NRGN: variants seen among roughly 807,000 people sequenced by gnomAD.
NRGN encodes the protein calmodulin-binding protein.
For missense variants in NRGN, 82 were observed against 123.0 expected, an observed-to-expected ratio of 0.67 and a Z score of 1.58; for synonymous variants, 47 against 52.8, an observed-to-expected ratio of 0.89 and a Z score of 0.47.
At chr11:124,743,300 A>G (rs1943980752) in intron 1 of NRGN, among the ~76,000 whole-genome samples, 2 of 152,112 alleles carry the variant, frequency 1.3e-5, no homozygotes, top group Admixed American at 6.6e-5. Flanking sequence ...CCTCCACTCA[A>G]CCTTCCCACT....
In NRGN at chr11:124,746,831, C is replaced by G. The variant is rs1373761631; in HGVS notation, c.*451C>G. On this transcript the variant is annotated 3_prime_UTR_variant, in exon 4 of 4. Transcript: ENST00000284292. ...CAGCTAAAAGGGGCGCCCTACATCT[C>G]CGTGCCACTCCCGCCCCAGCCTAGC... 1 of 152,658 alleles carries G rather than the reference C, an allele frequency of 6.6e-6. No homozygotes were observed. Among genetic ancestry groups the G allele is most frequent in the African/African-American group, 2.4e-5 (1 of 41,462 alleles). 9.5% of individuals were successfully genotyped at this position (152,658 alleles called of 1,614,324 possible).
At chr11:124,741,053 G>A (rs1263814082) in intron 1 of NRGN, among the ~76,000 whole-genome samples, 2 of 152,244 alleles carry the variant, frequency 1.3e-5, no homozygotes, top group Non-Finnish European at 2.9e-5. Flanking sequence ...CTTTGGAAGG[G>A]AAGGATAGCC....
chr11:124,743,678 G>T (rs752099220), intron 1 of NRGN, among the ~76,000 whole-genome samples: 2 of 152,104 alleles, frequency 1.3e-5, no homozygotes, highest in Non-Finnish European at 2.9e-5. Flanking sequence ...TTTATAAGCC[G>T]GGGCTTGGGC....
rs1565436791 is a variant in NRGN at position 124,740,849 on chromosome 11, C to T, written c.15+750C>T. 6.6e-6 allele frequency among the ~76,000 whole-genome samples: 1 copy of T among 152,256 alleles called. No homozygotes were observed. Among genetic ancestry groups the T allele is most frequent in the Non-Finnish European group, 1.5e-5 (1 of 68,052 alleles). On this transcript the variant is annotated intron_variant, in intron 1 of 3. Transcript: ENST00000284292. The surrounding 1 kb of genome is among the most constrained non-coding windows in gnomAD (Gnocchi z 7.5). ...AAAGCGCCTGGCATAGGCCCTGGCTCCTGCCTCACTGGAAGAGTACAGTGA... is the reference window on the plus strand; with the variant it reads ...AAAGCGCCTGGCATAGGCCCTGGCTTCTGCCTCACTGGAAGAGTACAGTGA...
chr11:124,745,769 C>A lies in NRGN; in HGVS notation c.*5+40C>A. The A allele has an allele frequency of 9.4e-7, 1 of 1,063,792 alleles. No homozygotes were observed. The highest frequency in any genetic ancestry group is 1.2e-6 in the Non-Finnish European group (1 of 808,498). The allele number at this position is 1,063,792 out of a possible 1,614,324, so 65.9% of individuals were successfully genotyped here. A position where few individuals can be genotyped will look rare whatever the true frequency, so the allele number is the denominator to read the frequency against. Reference sequence around the variant, plus strand: ...GCGCGGCTGGCTGACAGCTGCCCTTCCCCAGCCCTCCCCAGGAGCAGGGGG... The same window carrying A: ...GCGCGGCTGGCTGACAGCTGCCCTTACCCAGCCCTCCCCAGGAGCAGGGGG... On this transcript the variant is annotated intron_variant, in intron 2 of 3. Coordinates refer to ENST00000284292, the MANE Select transcript of NRGN (RefSeq NM_006176.3). The surrounding 1 kb of genome is among the most constrained non-coding windows in gnomAD (Gnocchi z 6.4).
chr11:124,745,074 G>C lies in NRGN; in HGVS notation c.16-429G>C, dbSNP rs569985373. 2.0e-5 allele frequency among the ~76,000 whole-genome samples: 3 copies of C among 152,190 alleles called. No individual in the cohort carries two copies. In the South Asian group the frequency reaches 6.2e-4, roughly 32 times the overall value. ...ACTGAGGCTTCTCCATCCTCTCCAC[G>C]GAAAACCCTGGACTCAGACTGGGTC... On this transcript the variant is annotated intron_variant, in intron 1 of 3. Transcript: ENST00000284292. This position sits in a 1 kb window ranked among gnomAD's most constrained non-coding sequence, Gnocchi z 6.4.
In NRGN at chr11:124,740,213, A is replaced by G; in HGVS notation, c.15+114A>G. The stretch of plus-strand genomic sequence containing the variant: ...AAGTGGATGCGGAAGACCTAGGAGC[A>G]GAAAGAAAAGGGGTCCTTGCCGAGA... On this transcript the variant is annotated intron_variant, in intron 1 of 3. Transcript: ENST00000284292. The surrounding 1 kb of genome is among the most constrained non-coding windows in gnomAD (Gnocchi z 7.5). 1.3e-6 allele frequency: 1 copy of G among 778,260 alleles called. No homozygotes were observed. The highest frequency in any genetic ancestry group is 1.8e-6 in the Non-Finnish European group (1 of 557,570). The allele number at this position is 778,260 out of a possible 1,614,324, so 48.2% of individuals were successfully genotyped here.
Position 124,745,737 on chromosome 11 carries a change from G to T in NRGN, c.*5+8G>T, listed in dbSNP as rs1246529837. ...CAGCGGAGACTAGGCCAGGTGAGGC[G>T]GGCGGCGCGCGGCTGGCTGACAGCT... On this transcript the variant is annotated splice_region_variant and intron_variant, in intron 2 of 3. Transcript: ENST00000284292. The surrounding 1 kb of genome is among the most constrained non-coding windows in gnomAD (Gnocchi z 6.4). 2 of 1,297,262 alleles carry T rather than the reference G, an allele frequency of 1.5e-6. No homozygotes were observed. The highest frequency in any genetic ancestry group is 2.1e-5 in the South Asian group (1 of 47,016). 80.4% of individuals were successfully genotyped at this position (1,297,262 alleles called of 1,614,324 possible). A position where few individuals can be genotyped will look rare whatever the true frequency, so the allele number is the denominator to read the frequency against.
Position 124,745,740 on chromosome 11 carries a change from C to G in NRGN, c.*5+11C>G. 7.8e-7 allele frequency: 1 copy of G among 1,276,606 alleles called. No homozygotes were observed. The highest frequency in any genetic ancestry group is 2.3e-5 in the South Asian group (1 of 44,378). 79.1% of individuals were successfully genotyped at this position (1,276,606 alleles called of 1,614,324 possible). A position where few individuals can be genotyped will look rare whatever the true frequency, so the allele number is the denominator to read the frequency against. ...CGGAGACTAGGCCAGGTGAGGCGGG[C>G]GGCGCGCGGCTGGCTGACAGCTGCC... is the stretch of plus-strand genomic sequence containing the variant. On this transcript the variant is annotated intron_variant, in intron 2 of 3. Coordinates refer to ENST00000284292, the MANE Select transcript of NRGN (RefSeq NM_006176.3). The surrounding 1 kb of genome is among the most constrained non-coding windows in gnomAD (Gnocchi z 6.4).
rs1246529837 is a variant in NRGN at position 124,745,737 on chromosome 11, G to C, written c.*5+8G>C. ...CAGCGGAGACTAGGCCAGGTGAGGC[G>C]GGCGGCGCGCGGCTGGCTGACAGCT... On this transcript the variant is annotated splice_region_variant and intron_variant, in intron 2 of 3. Coordinates refer to ENST00000284292, the MANE Select transcript of NRGN (RefSeq NM_006176.3). This position sits in a 1 kb window ranked among gnomAD's most constrained non-coding sequence, Gnocchi z 6.4. 1.5e-6 allele frequency: 2 copies of C among 1,297,372 alleles called. No individual in the cohort carries two copies. Among genetic ancestry groups the C allele is most frequent in the East Asian group, 6.3e-5 (2 of 31,916 alleles). The allele number at this position is 1,297,372 out of a possible 1,614,324, so 80.4% of individuals were successfully genotyped here. A position where few individuals can be genotyped will look rare whatever the true frequency, so the allele number is the denominator to read the frequency against.
rs1472141749 is a variant in NRGN, at chr11:124,745,523, G to A, written c.36G>A (p.Pro12=). The A allele has an allele frequency of 6.3e-7, 1 of 1,597,914 alleles. No individual in the cohort carries two copies. Among genetic ancestry groups the A allele is most frequent in the African/African-American group, 1.4e-5 (1 of 73,890 alleles). Residue 12 remains proline (P), a synonymous_variant, in exon 2 of 4, where the codon CCG becomes CCA. Coordinates refer to ENST00000284292, the MANE Select transcript of NRGN (RefSeq NM_006176.3). This position sits in a 1 kb window ranked among gnomAD's most constrained non-coding sequence, Gnocchi z 6.4. ...DCCTENACSK[P]DDDILDIPLD... is the part of the protein sequence containing the mutation. Reference sequence around the variant, plus strand: ...CCCAGGAGAACGCCTGCTCCAAGCCGGACGACGACATTCTAGACATCCCGC... The same window carrying A: ...CCCAGGAGAACGCCTGCTCCAAGCCAGACGACGACATTCTAGACATCCCGC...
Position 124,745,478 on chromosome 11 carries a change from A to C in NRGN, c.16-25A>C, listed in dbSNP as rs1385083950. On this transcript the variant is annotated intron_variant, in intron 1 of 3. Coordinates refer to ENST00000284292, the MANE Select transcript of NRGN (RefSeq NM_006176.3). The surrounding 1 kb of genome is among the most constrained non-coding windows in gnomAD (Gnocchi z 6.4). ...GCGGATCAAGACCCAGTGACCCCAC[A>C]AGAACCCCCCTGCTTCGCCCCCAGG... 6.5e-6 allele frequency: 10 copies of C among 1,537,662 alleles called. No homozygotes were observed. Among genetic ancestry groups the C allele is most frequent in the Non-Finnish European group, 7.9e-6 (9 of 1,141,424 alleles).
Position 124,745,332 on chromosome 11 carries a change from C to G in NRGN, c.16-171C>G, listed in dbSNP as rs1308059142. Among the ~76,000 whole-genome samples, 1 of 152,100 alleles carries G rather than the reference C, an allele frequency of 6.6e-6. No homozygotes were observed. The highest frequency in any genetic ancestry group is 1.5e-5 in the Non-Finnish European group (1 of 68,012). ...CTGAACCTTCTTCGCCTGTCGCTGC[C>G]CATGCCCCAGTGAGTGTCCCTGCCA... On this transcript the variant is annotated intron_variant, in intron 1 of 3. Coordinates refer to ENST00000284292, the MANE Select transcript of NRGN (RefSeq NM_006176.3). This position sits in a 1 kb window ranked among gnomAD's most constrained non-coding sequence, Gnocchi z 6.4.
chr11:124,742,645 G>T (rs2134444864), intron 1 of NRGN, among the ~76,000 whole-genome samples: 1 of 152,354 alleles, frequency 6.6e-6, no homozygotes, highest in East Asian at 1.9e-4. Context: ...GCTAGCAGCA[G>T]AGGCTACTGA....
In NRGN at chr11:124,745,912, C is replaced by T. The variant is rs1944006079; in HGVS notation, c.*6-53C>T. ...GAAGGTTGCGCGGATTCCAGGAGCT[C>T]ACCTGTTTCTCCCTCTGCATCCTCC... On this transcript the variant is annotated intron_variant, in intron 2 of 3. Coordinates refer to ENST00000284292, the MANE Select transcript of NRGN (RefSeq NM_006176.3). This position sits in a 1 kb window ranked among gnomAD's most constrained non-coding sequence, Gnocchi z 6.4. 5.3e-6 allele frequency: 2 copies of T among 378,242 alleles called. No individual in the cohort carries two copies. The highest frequency in any genetic ancestry group is 8.2e-5 in the East Asian group (2 of 24,254). The allele number at this position is 378,242 out of a possible 1,614,324, so 23.4% of individuals were successfully genotyped here.
At chr11:124,743,782 G>C (rs952632759) in intron 1 of NRGN, among the ~76,000 whole-genome samples, 1 of 151,880 alleles carries the variant, frequency 6.6e-6, no homozygotes, top group Admixed American at 6.6e-5. Context: ...CTATGAACCG[G>C]ATGGATGATG....
At chr11:124,741,975 A>C (rs1287405002) in intron 1 of NRGN, among the ~76,000 whole-genome samples, 1 of 152,176 alleles carries the variant, frequency 6.6e-6, no homozygotes, top group Non-Finnish European at 1.5e-5. Flanking sequence ...AGAGAAGCAG[A>C]TACACAATTA....
At chr11:124,744,750 T>C (rs1320911655) in intron 1 of NRGN, 1 of 152,232 alleles carries the variant, frequency 6.6e-6, no homozygotes, top group Non-Finnish European at 1.5e-5. Flanking sequence ...ATAATTCCCT[T>C]CTTCCTCATA....
At chr11:124,741,435 A>G (rs960373809) in intron 1 of NRGN, among the ~76,000 whole-genome samples, 5 of 152,202 alleles carry the variant, frequency 3.3e-5, no homozygotes, top group Non-Finnish European at 5.9e-5. Context: ...TAAAACCTAG[A>G]GAAAAGTATG....
Sources: gnomAD v4.1 joint callset for allele counts (sites outside exome capture counted in the v4.1 genomes callset) on GRCh38, gnomAD v4.1.1 for gene constraint, Gnocchi (gnomAD v3.1) non-coding constraint, MANE v1.5 for transcripts, NCBI Gene and HGNC (gene_info 2026-07-23, HGNC 2026-07-21) for gene names.